Variants in ANKS1B observed in about 807,000 individuals in gnomAD.
ANKS1B encodes ankyrin repeat and sterile alpha motif domain containing 1B.
Under a neutral mutation model 148.3 loss-of-function variants are expected in ANKS1B, and 36 were observed. The ratio of observed to expected loss-of-function variants is 0.24; its 90% confidence interval spans 0.19 to 0.32. ANKS1B has a LOEUF of 0.32. Ranked by LOEUF, ANKS1B falls within the 10% of genes least tolerant of loss-of-function variation. The pLI, the probability that ANKS1B is intolerant of heterozygous loss-of-function variation, is 1.00. For synonymous variants in ANKS1B, 542 were observed against 560.8 expected, an observed-to-expected ratio of 0.97 and a Z score of 0.47; for missense variants, 1,157 against 1,542.6, an observed-to-expected ratio of 0.75 and a Z score of 4.19.
At chr12:99,538,069 G>C (rs2097090796) in intron 9 of ANKS1B, among the ~76,000 whole-genome samples, 1 of 151,844 alleles carries the variant, frequency 6.6e-6, no homozygotes, top group African/African-American at 2.4e-5. Flanking sequence ...TTCACTCTAG[G>C]TGTGTTTATT....
chr12:99,687,760 T>A (rs952259421), intron 8 of ANKS1B, among the ~76,000 whole-genome samples: 1 of 152,218 alleles, frequency 6.6e-6, no homozygotes, highest in African/African-American at 2.4e-5. Context: ...TATATATACA[T>A]AATATAACAG....
chr12:99,563,608 AC>A (rs1450773937), intron 9 of ANKS1B, among the ~76,000 whole-genome samples: 1 of 152,194 alleles, frequency 6.6e-6, no homozygotes, highest in African/African-American at 2.4e-5. Flanking sequence ...ATCACAGATA[AC>A]CATAACAGAT....
chr12:98,836,226 T>C (rs538805971), intron 17 of ANKS1B, among the ~76,000 whole-genome samples: 1 of 152,232 alleles, frequency 6.6e-6, no homozygotes, highest in Non-Finnish European at 1.5e-5. Flanking sequence ...TGAGTTATCA[T>C]GTTTAAAGCA....
intron 8 of ANKS1B, among the ~76,000 whole-genome samples, chr12:99,699,198 G>T (rs774422398): frequency 5.3e-5 from 8 of 152,068 alleles, no homozygotes; most frequent in Non-Finnish European, 1.0e-4. Flanking sequence ...GTGTGCATGT[G>T]TGCACATGTG....
chr12:99,934,305 A>G (rs2094701428), intron 1 of ANKS1B, among the ~76,000 whole-genome samples: 1 of 151,968 alleles, frequency 6.6e-6, no homozygotes, highest in Non-Finnish European at 1.5e-5. Context: ...CTGGAAGGAG[A>G]AACTACTTCC....
At chr12:99,937,421 T>C (rs2094807004) in intron 1 of ANKS1B, among the ~76,000 whole-genome samples, 1 of 152,156 alleles carries the variant, frequency 6.6e-6, no homozygotes, top group Admixed American at 6.5e-5. Context: ...TTGAATATGA[T>C]TATTTAGGAA....
At chr12:99,041,163 A>AT (rs2099958692) in intron 17 of ANKS1B, among the ~76,000 whole-genome samples, 1 of 152,158 alleles carries the variant, frequency 6.6e-6, no homozygotes, top group Non-Finnish European at 1.5e-5. Context: ...AACGAAGGGG[A>AT]AGATAAAGGA....
intron 14 of ANKS1B, among the ~76,000 whole-genome samples, chr12:99,192,080 C>T (rs886740511): frequency 2.4e-5 from 3 of 124,220 alleles, no homozygotes; most frequent in African/African-American, 6.4e-5. Flanking sequence ...TGCAGTGAGC[C>T]GAGATTGTGC....
chr12:99,288,261 G>A (rs1410367271), intron 12 of ANKS1B, among the ~76,000 whole-genome samples: 3 of 152,078 alleles, frequency 2.0e-5, no homozygotes, highest in East Asian at 3.8e-4. Context: ...AGAGCGGCAT[G>A]ATATATTTAA....
intron 9 of ANKS1B, among the ~76,000 whole-genome samples, chr12:98,738,771 T>C (rs772344656): frequency 8.5e-5 from 13 of 152,214 alleles, no homozygotes; most frequent in Non-Finnish European, 1.5e-4. Flanking sequence ...CTAGGGGTCA[T>C]AAGGCTTGGT....
Position 99,642,143 on chromosome 12 carries a change from A to T in ANKS1B, c.1272+12924T>A, listed in dbSNP as rs897407782. Among the ~76,000 whole-genome samples, 2 of 152,236 alleles carry T rather than the reference A, an allele frequency of 1.3e-5. 1 individual carries two copies. The highest frequency in any genetic ancestry group is 4.1e-4 in the South Asian group (2 of 4,830). On this transcript the variant is annotated intron_variant, in intron 9 of 26. Transcript: ENST00000683438. Reference sequence around the variant, plus strand: ...TAAAAAATTGAGGCTTTCCAAAGGCAAAATTATAGTTCATTTATTTTAAAA... The same window carrying T: ...TAAAAAATTGAGGCTTTCCAAAGGCTAAATTATAGTTCATTTATTTTAAAA...
chr12:99,533,356 A>T (rs1224635758), intron 9 of ANKS1B, among the ~76,000 whole-genome samples: 3 of 152,182 alleles, frequency 2.0e-5, no homozygotes, highest in Non-Finnish European at 4.4e-5. Context: ...GGTGTATAGC[A>T]GTGCTACTGA....
At chr12:99,763,475 G>A (rs1347591162) in intron 8 of ANKS1B, among the ~76,000 whole-genome samples, 1 of 152,132 alleles carries the variant, frequency 6.6e-6, no homozygotes, top group African/African-American at 2.4e-5. Context: ...ACACAAAGAG[G>A]GGAACTACAG....
At chr12:99,154,811 C>G (rs2075802778) in intron 14 of ANKS1B, 1 of 1,502,580 alleles carries the variant, frequency 6.7e-7, no homozygotes, top group East Asian at 2.5e-5. Context: ...CTCCTACACT[C>G]ATCAGTATGC....
Position 99,414,008 on chromosome 12 carries a change from C to G in ANKS1B, c.1576-14197G>C, listed in dbSNP as rs1252555768. Among the ~76,000 whole-genome samples the G allele has an allele frequency of 5.3e-5, 8 of 152,278 alleles. No individual in the cohort carries two copies. In the East Asian group the frequency reaches 1.5e-3, roughly 29 times the overall value. ...TTTCCTGCCCAGGGCTTTTTGAGAA[C>G]AGACAGTTGCTCTCAAGCCCAGGGC... is the stretch of plus-strand genomic sequence containing the variant. On this transcript the variant is annotated intron_variant, in intron 11 of 26. Coordinates refer to ENST00000683438, the MANE Select transcript of ANKS1B (RefSeq NM_001352186.2).
intron 10 of ANKS1B, among the ~76,000 whole-genome samples, chr12:99,465,722 C>G (rs1221638453): frequency 6.6e-6 from 1 of 152,154 alleles, no homozygotes; most frequent in African/African-American, 2.4e-5. Context: ...GTAAAGGGAT[C>G]AATTCAACAA....
chr12:99,784,777 T>G (rs572576855), intron 4 of ANKS1B, among the ~76,000 whole-genome samples: 1 of 152,300 alleles, frequency 6.6e-6, no homozygotes, highest in East Asian at 1.9e-4. Flanking sequence ...ACCATAAACA[T>G]GTACGATATC....
At chr12:99,929,394 T>C (rs1410807547) in intron 1 of ANKS1B, among the ~76,000 whole-genome samples, 3 of 152,226 alleles carry the variant, frequency 2.0e-5, no homozygotes, top group Non-Finnish European at 4.4e-5. Flanking sequence ...ATTCTGGATA[T>C]TAGCCCTTTG....
At chr12:99,025,704 T>C (rs1408249298) in intron 17 of ANKS1B, among the ~76,000 whole-genome samples, 1 of 152,166 alleles carries the variant, frequency 6.6e-6, no homozygotes, top group Non-Finnish European at 1.5e-5. Context: ...TGACTCTGTC[T>C]CTCATGATCT....
Sources: gnomAD v4.1 joint callset for allele counts (sites outside exome capture counted in the v4.1 genomes callset) on GRCh38, gnomAD v4.1.1 for gene constraint, MANE v1.5 for transcripts, NCBI Gene and HGNC (gene_info 2026-07-23, HGNC 2026-07-21) for gene names.